Variants in PTPRD observed in about 807,000 individuals in gnomAD.
The protein encoded by PTPRD is receptor-type tyrosine-protein phosphatase delta.
A neutral mutation model predicts 214.5 loss-of-function variants in PTPRD; 34 were observed. The ratio of observed to expected loss-of-function variants is 0.16; its 90% confidence interval spans 0.12 to 0.21. The LOEUF (loss-of-function observed/expected upper bound fraction) is 0.21, where lower values mean the gene tolerates loss of function less well. Ranked by LOEUF, PTPRD falls within the 10% of genes least tolerant of loss-of-function variation. PTPRD has a pLI of 1.00. For missense variants in PTPRD, 2,545 were observed against 2,398.7 expected (o/e 1.06, Z -1.27); for synonymous variants, 1,128 against 845.7 (o/e 1.33, Z -5.79).
rs147053710 is a variant in PTPRD at position 9,585,224 on chromosome 9, T to C, written c.-286-10443A>G. 6.8e-4 allele frequency among the ~76,000 whole-genome samples: 104 copies of C among 152,198 alleles called. 1 individual carries two copies. Among genetic ancestry groups the C allele is most frequent in the African/African-American group, 2.2e-3 (92 of 41,572 alleles). On this transcript the variant is annotated intron_variant, in intron 7 of 45. Transcript: ENST00000381196. ...CAGTTTTACAGCATGTTTATCTCAG[T>C]AGCAGACATAATGCCTAGGGGCAAA...
At chr9:9,912,459 A>T (rs1355392047) in intron 5 of PTPRD, among the ~76,000 whole-genome samples, 1 of 152,224 alleles carries the variant, frequency 6.6e-6, no homozygotes, top group Non-Finnish European at 1.5e-5. Context: ...AGCATAAAAT[A>T]ATGTTCTTTT....
chr9:9,445,087 T>G (rs748400736), intron 8 of PTPRD, among the ~76,000 whole-genome samples: 1 of 152,160 alleles, frequency 6.6e-6, no homozygotes, highest in East Asian at 1.9e-4. Context: ...ATTTGTAAGA[T>G]TTTTGCACTT....
At chr9:9,143,685 A>G (rs1490005183) in intron 10 of PTPRD, among the ~76,000 whole-genome samples, 1 of 152,182 alleles carries the variant, frequency 6.6e-6, no homozygotes, top group Non-Finnish European at 1.5e-5. Flanking sequence ...TTTGTATGTT[A>G]TTAAAAAATA....
At chr9:10,224,090 T>A (rs1387978598) in intron 3 of PTPRD, among the ~76,000 whole-genome samples, 2 of 151,984 alleles carry the variant, frequency 1.3e-5, no homozygotes, top group Non-Finnish European at 2.9e-5. Flanking sequence ...TCTATGAAGA[T>A]AATTTCAGTT....
At chr9:8,731,436 G>A (rs2098657743) in intron 12 of PTPRD, among the ~76,000 whole-genome samples, 1 of 152,070 alleles carries the variant, frequency 6.6e-6, no homozygotes, top group South Asian at 2.1e-4. Flanking sequence ...TGCTAATGAA[G>A]GCATAAGAAA....
chr9:10,464,752 G>C (rs10122015), intron 2 of PTPRD, among the ~76,000 whole-genome samples: 1 of 151,950 alleles, frequency 6.6e-6, no homozygotes, highest in Non-Finnish European at 1.5e-5. Context: ...ATGTAACCCA[G>C]AGATAAAAGG....
chr9:10,273,777 T>C (rs935708899), intron 3 of PTPRD, among the ~76,000 whole-genome samples: 6 of 152,100 alleles, frequency 3.9e-5, no homozygotes, highest in African/African-American at 4.8e-5. Context: ...GTGTAGACTA[T>C]GGTTATCAGG....
chr9:10,303,499 AATAG>A (rs752202304), intron 3 of PTPRD, among the ~76,000 whole-genome samples: 4 of 152,162 alleles, frequency 2.6e-5, no homozygotes, highest in Non-Finnish European at 5.9e-5. Context: ...AGATCAACAA[AATAG>A]ATAGACCACT....
At chr9:8,500,729 A>T (rs1407988672) in intron 24 of PTPRD, 25 bp downstream of exon 24, 1 of 1,610,612 alleles carries the variant, frequency 6.2e-7, no homozygotes, top group African/African-American at 1.3e-5. Context: ...GAAGGGTGCA[A>T]ACTGACGTAG....
chr9:9,278,202 T>A (rs1274935479), intron 9 of PTPRD, among the ~76,000 whole-genome samples: 2 of 151,290 alleles, frequency 1.3e-5, no homozygotes, highest in Admixed American at 6.6e-5. Flanking sequence ...TGTCATAAAT[T>A]ATTTGTTTAA....
Position 10,603,949 on chromosome 9 carries a change from T to C in PTPRD, c.-600+8449A>G, listed in dbSNP as rs571461342. ...AAGGATGAATGAGTTGTAAGAGAAA[T>C]GCACAATACAGACAATAGTATAATC... On this transcript the variant is annotated intron_variant, in intron 2 of 45. Transcript: ENST00000381196. 2.0e-5 allele frequency among the ~76,000 whole-genome samples: 3 copies of C among 152,006 alleles called. No individual in the cohort carries two copies. The South Asian group carries it at 6.2e-4, about 31-fold the overall frequency.
chr9:8,406,153 T>G (rs192297595), intron 35 of PTPRD, among the ~76,000 whole-genome samples: 1 of 152,288 alleles, frequency 6.6e-6, no homozygotes, highest in Admixed American at 6.5e-5. Flanking sequence ...CTAATATAAT[T>G]AAGGGACTTT....
chr9:10,557,005 T>G (rs1046610531), intron 2 of PTPRD, among the ~76,000 whole-genome samples: 1 of 152,106 alleles, frequency 6.6e-6, no homozygotes, highest in African/African-American at 2.4e-5. Context: ...GTGGACAACA[T>G]TCCTGTATGG....
chr9:9,304,810 C>G (rs1483157023), intron 9 of PTPRD, among the ~76,000 whole-genome samples: 1 of 151,164 alleles, frequency 6.6e-6, no homozygotes, highest in Non-Finnish European at 1.5e-5. Flanking sequence ...TGTTCATTCA[C>G]AGGTTTCTGT....
At chr9:10,017,192 A>G (rs955751106) in intron 4 of PTPRD, among the ~76,000 whole-genome samples, 3 of 152,132 alleles carry the variant, frequency 2.0e-5, no homozygotes, top group African/African-American at 7.2e-5. Context: ...AATATTAATT[A>G]TTGTGTTTAA....
intron 2 of PTPRD, among the ~76,000 whole-genome samples, chr9:10,364,210 C>A (rs533545747): frequency 6.6e-6 from 1 of 151,896 alleles, no homozygotes; most frequent in East Asian, 1.9e-4. Flanking sequence ...ACCGCGTTAG[C>A]CAGGATGGTC....
At chr9:9,678,334 G>T (rs1564493078) in intron 7 of PTPRD, among the ~76,000 whole-genome samples, 2 of 152,038 alleles carry the variant, frequency 1.3e-5, no homozygotes, top group South Asian at 4.1e-4. Flanking sequence ...CAAGGCTACA[G>T]TAACCAAAAC....
chr9:9,263,111 G>C (rs916697667), intron 9 of PTPRD, among the ~76,000 whole-genome samples: 1 of 151,696 alleles, frequency 6.6e-6, no homozygotes, highest in African/African-American at 2.4e-5. Context: ...TTAAAGTACA[G>C]TCACAAGTTC....
intron 2 of PTPRD, among the ~76,000 whole-genome samples, chr9:10,513,255 AT>A (rs1345444915): frequency 6.6e-6 from 1 of 151,968 alleles, no homozygotes; most frequent in Non-Finnish European, 1.5e-5. Flanking sequence ...TATAAGGATA[AT>A]GTCTAAACTG....
Sources: gnomAD v4.1 joint callset for allele counts (sites outside exome capture counted in the v4.1 genomes callset) on GRCh38, gnomAD v4.1.1 for gene constraint, MANE v1.5 for transcripts, NCBI Gene and HGNC (gene_info 2026-07-23, HGNC 2026-07-21) for gene names.